The following BAIAP2 variants were observed in gnomAD, a reference collection of about 807,000 sequenced individuals.
The protein encoded by BAIAP2 is BAR/IMD domain containing adaptor protein 2.
In BAIAP2, 18 loss-of-function variants were observed where a neutral mutation model predicts 63.0. The ratio of observed to expected loss-of-function variants is 0.29; its 90% CI spans 0.20 to 0.42. The LOEUF is 0.42. BAIAP2 is among the 10% of genes least tolerant of loss of function. BAIAP2 has a pLI of 1.00. For missense variants in BAIAP2, 610 were observed against 734.3 expected (o/e 0.83, Z 1.96); for synonymous variants, 386 against 307.6 (o/e 1.25, Z -2.67).
intron 3 of BAIAP2, among the ~76,000 whole-genome samples, chr17:81,067,700 G>A (rs898922728): frequency 1.3e-5 from 2 of 152,238 alleles, no homozygotes; most frequent in Admixed American, 1.3e-4. Flanking sequence ...TCCTCTGCCG[G>A]CGTTGCTGCT....
At chr17:81,105,092 CGGCAGGGGTCTCCCCCCAGT>C (rs60889529) in intron 10 of BAIAP2, 35,361 of 171,026 alleles carry the variant, frequency 0.21, 3,921 homozygotes, top group East Asian at 0.36. Flanking sequence ...CTCCCCCCAG[CGGCAGGGGTCTCCCCCCAGT>C]GGCAGGGGTC....
intron 3 of BAIAP2, among the ~76,000 whole-genome samples, chr17:81,065,546 A>G (rs1356321319): frequency 6.6e-6 from 1 of 152,182 alleles, no homozygotes; most frequent in Non-Finnish European, 1.5e-5. Context: ...ACAGCTGTCC[A>G]GTCTGCCTCA....
In BAIAP2 at chr17:81,104,149, G is replaced by GTGCCTCCTCAGACCCTACAGTCA. The variant is rs770549955; in HGVS notation, c.1066+46_1066+68dup. The GTGCCTCCTCAGACCCTACAGTCA allele has an allele frequency of 5.2e-4, 840 of 1,603,304 alleles. 1 individual carries two copies. Among genetic ancestry groups the GTGCCTCCTCAGACCCTACAGTCA allele is most frequent in the East Asian group, 2.6e-3 (116 of 44,556 alleles). ...GGGTGTTGGGCTGGGGTCCCTGGAC[G>GTGCCTCCTCAGACCCTACAGTCA]TGCCTCCTCAGACCCTACAGTCATG... On this transcript the variant is annotated intron_variant, in intron 9 of 13. Coordinates refer to ENST00000428708, the MANE Select transcript of BAIAP2 (RefSeq NM_001144888.2).
chr17:81,104,194 C>T (rs1378408367), intron 9 of BAIAP2, 86 bp downstream of exon 9: 3 of 1,389,720 alleles, frequency 2.2e-6, no homozygotes, highest in Non-Finnish European at 2.0e-6. Flanking sequence ...TCAATAGGGG[C>T]CTGGGAGACC....
At chr17:81,101,775 C>T (rs570702399) in intron 7 of BAIAP2, among the ~76,000 whole-genome samples, 17 of 152,378 alleles carry the variant, frequency 1.1e-4, no homozygotes, top group Admixed American at 6.5e-4. Context: ...TGGGCAGGTG[C>T]AGGCAAGGAC....
intron 7 of BAIAP2, among the ~76,000 whole-genome samples, chr17:81,101,404 G>C (rs1274285585): frequency 6.6e-6 from 1 of 152,186 alleles, no homozygotes; most frequent in African/African-American, 2.4e-5. Context: ...GGCAGGGCCA[G>C]CAGGCCCCTG....
At chr17:81,044,618 C>T (rs143321232) in intron 1 of BAIAP2, among the ~76,000 whole-genome samples, 246 of 152,340 alleles carry the variant, frequency 1.6e-3, no homozygotes, top group Non-Finnish European at 2.8e-3. Flanking sequence ...CCGTGACACC[C>T]AGCGGACCCC....
chr17:81,098,166 G>A (rs937361055), intron 6 of BAIAP2: 1 of 1,468,246 alleles, frequency 6.8e-7, no homozygotes, highest in Non-Finnish European at 9.0e-7. Context: ...GTTTGGAACT[G>A]TCACTTCCAC....
chr17:81,047,913 T>C (rs1187754911), intron 1 of BAIAP2, among the ~76,000 whole-genome samples: 1 of 152,248 alleles, frequency 6.6e-6, no homozygotes, highest in Non-Finnish European at 1.5e-5. Context: ...CATGGGTCCA[T>C]ATGCACGCAG....
chr17:81,071,756 C>T (rs1321517952), intron 3 of BAIAP2, among the ~76,000 whole-genome samples: 3 of 152,268 alleles, frequency 2.0e-5, no homozygotes, highest in Non-Finnish European at 2.9e-5. Context: ...CGCACCATCC[C>T]GCACCGCCAC....
chr17:81,074,295 G>T, intron 3 of BAIAP2, among the ~76,000 whole-genome samples: 1 of 150,352 alleles, frequency 6.7e-6, no homozygotes, highest in East Asian at 2.0e-4. Context: ...TGCATGCATG[G>T]ATACGTGTGA....
At chr17:81,106,276 C>T (rs1037897305) in intron 11 of BAIAP2, 130 bp downstream of exon 11, 16 of 993,070 alleles carry the variant, frequency 1.6e-5, no homozygotes, top group South Asian at 3.1e-5. Context: ...GGGCCATCCC[C>T]AGTGGCCCTG....
chr17:81,047,281 G>T (rs1228577748), intron 1 of BAIAP2, among the ~76,000 whole-genome samples: 2 of 152,180 alleles, frequency 1.3e-5, no homozygotes, highest in Non-Finnish European at 2.9e-5. Flanking sequence ...GAGCTGACAG[G>T]CTGGCCCCTG....
chr17:81,084,920 C>G, intron 4 of BAIAP2, 27 bp downstream of exon 4: 5 of 1,612,124 alleles, frequency 3.1e-6, no homozygotes, highest in Non-Finnish European at 4.2e-6. Context: ...CGTGGCCCTG[C>G]GAGGAGGGGC....
At chr17:81,098,470 C>T (rs1179270608) in intron 6 of BAIAP2, among the ~76,000 whole-genome samples, 1 of 151,866 alleles carries the variant, frequency 6.6e-6, no homozygotes, top group Admixed American at 6.6e-5. Context: ...TACAGTTGAC[C>T]ACGGTAACCA....
At chr17:81,091,762 G>A (rs571176788) in intron 6 of BAIAP2, among the ~76,000 whole-genome samples, 1 of 152,236 alleles carries the variant, frequency 6.6e-6, no homozygotes, top group Non-Finnish European at 1.5e-5. Flanking sequence ...AGCCAGGGGC[G>A]TGAGTAGCAG....
At chr17:81,112,472 G>A (rs2060033249) in intron 13 of BAIAP2, among the ~76,000 whole-genome samples, 1 of 152,210 alleles carries the variant, frequency 6.6e-6, no homozygotes. Flanking sequence ...ACCCTGTCAT[G>A]CCCCAGCTTT....
At chr17:81,043,418 G>T (rs1426406075) in intron 1 of BAIAP2, among the ~76,000 whole-genome samples, 3 of 152,180 alleles carry the variant, frequency 2.0e-5, no homozygotes, top group African/African-American at 7.2e-5. Context: ...GGCCTCGGTG[G>T]CCCCAGGCCG....
intron 6 of BAIAP2, chr17:81,098,204 T>C (rs1405544867): frequency 3.5e-6 from 5 of 1,413,200 alleles, no homozygotes; most frequent in African/African-American, 2.9e-5. Context: ...AGGTGAGTCA[T>C]ACAACAAGCC....
Sources: gnomAD v4.1 joint callset for allele counts (sites outside exome capture counted in the v4.1 genomes callset) on GRCh38, gnomAD v4.1.1 for gene constraint, MANE v1.5 for transcripts, NCBI Gene and HGNC (gene_info 2026-07-23, HGNC 2026-07-21) for gene names.